The following OSMR variants were observed in gnomAD, a reference collection of about 807,000 sequenced individuals.
The protein encoded by OSMR is oncostatin-M-specific receptor subunit beta.
In OSMR, 81 loss-of-function variants were observed where a neutral mutation model predicts 99.9. The observed-to-expected ratio is 0.81, with a 90% CI of 0.68 to 0.97. OSMR has a LOEUF of 0.97. Among genes scored for constraint, OSMR ranks in the 50% least tolerant of loss-of-function variants. The pLI, the probability that OSMR is intolerant of heterozygous loss-of-function variation, is 0.00. For synonymous variants in OSMR, 406 were observed against 410.4 expected, an observed-to-expected ratio of 0.99 and a Z score of 0.13; for missense variants, 1,099 against 1,153.4, an observed-to-expected ratio of 0.95 and a Z score of 0.68.
At chr5:38,858,423 G>A (rs1443023750) in intron 1 of OSMR, among the ~76,000 whole-genome samples, 3 of 150,204 alleles carry the variant, frequency 2.0e-5, no homozygotes, top group Admixed American at 6.6e-5. Context: ...TTCTATCCAT[G>A]TTGCTGCAAA....
Position 38,933,068 on chromosome 5 carries a change from G to C in OSMR, c.2564G>C (p.Cys855Ser). Residue 855 changes from cysteine (C) to serine (S), a missense_variant, in exon 18 of 18, where the codon TGT becomes TCT. Transcript: ENST00000274276. ...KNHSGPGPCI[C>S]FENLTYNQAA... The stretch of plus-strand genomic sequence containing the variant: ...CACTCTGGCCCTGGCCCCTGCATCT[G>C]TTTTGAGAACTTGACCTATAACCAG... 2 of 1,614,188 alleles carry C rather than the reference G, an allele frequency of 1.2e-6. No individual in the cohort carries two copies. The highest frequency in any genetic ancestry group is 1.7e-6 in the Non-Finnish European group (2 of 1,180,038).
At chr5:38,914,126 TAAC>T (rs1745765415) in intron 9 of OSMR, among the ~76,000 whole-genome samples, 1 of 152,198 alleles carries the variant, frequency 6.6e-6, no homozygotes, top group African/African-American at 2.4e-5. Flanking sequence ...AGGGCTTTAA[TAAC>T]ACAGTACCAC....
chr5:38,926,497 G>A (rs536588407), intron 15 of OSMR, among the ~76,000 whole-genome samples: 2 of 152,186 alleles, frequency 1.3e-5, no homozygotes, highest in Non-Finnish European at 2.9e-5. Context: ...TTCTTAACAT[G>A]GCGGAAGGAG....
intron 7 of OSMR, among the ~76,000 whole-genome samples, chr5:38,898,401 G>A (rs1561380480): frequency 6.6e-6 from 1 of 152,058 alleles, no homozygotes; most frequent in Non-Finnish European, 1.5e-5. Context: ...ATTTTGTCTG[G>A]CATAAGTAAA....
intron 4 of OSMR, among the ~76,000 whole-genome samples, chr5:38,882,485 G>A (rs866252): frequency 0.62 from 93,947 of 151,378 alleles, 29,471 homozygotes; most frequent in South Asian, 0.69. Flanking sequence ...TGAGGCAGGA[G>A]AATCGCTTGA....
intron 1 of OSMR, among the ~76,000 whole-genome samples, chr5:38,854,447 C>T (rs1226787500): frequency 1.3e-5 from 2 of 152,120 alleles, no homozygotes; most frequent in African/African-American, 4.8e-5. Flanking sequence ...AGCATCTTTA[C>T]TGAGAATGAG....
chr5:38,868,465 C>T (rs748778475), intron 1 of OSMR, among the ~76,000 whole-genome samples: 8 of 152,134 alleles, frequency 5.3e-5, no homozygotes, highest in Non-Finnish European at 7.3e-5. Context: ...GTAATTAAAT[C>T]ATCAGGGCCG....
chr5:38,877,250 C>T (rs1742911376), intron 3 of OSMR, among the ~76,000 whole-genome samples: 2 of 152,146 alleles, frequency 1.3e-5, no homozygotes, highest in African/African-American at 4.8e-5. Context: ...CTGTCTTCAC[C>T]CAGGTAGTGG....
chr5:38,899,927 T>G (rs989220836), intron 7 of OSMR, among the ~76,000 whole-genome samples: 1 of 152,162 alleles, frequency 6.6e-6, no homozygotes, highest in South Asian at 2.1e-4. Context: ...AGTGTCTTAG[T>G]AGGTCATCTT....
At chr5:38,862,928 G>A (rs945299633) in intron 1 of OSMR, among the ~76,000 whole-genome samples, 9 of 152,052 alleles carry the variant, frequency 5.9e-5, no homozygotes, top group South Asian at 2.1e-4. Flanking sequence ...TCGGGAGGCC[G>A]AGGCTGGCGG....
intron 7 of OSMR, among the ~76,000 whole-genome samples, chr5:38,888,075 C>A (rs192369861): frequency 2.4e-4 from 36 of 152,052 alleles, no homozygotes; most frequent in African/African-American, 8.7e-4. Context: ...GCGAGACAGA[C>A]GGAGGAGGGA....
At chr5:38,868,271 G>A (rs1298429430) in intron 1 of OSMR, among the ~76,000 whole-genome samples, 2 of 152,168 alleles carry the variant, frequency 1.3e-5, no homozygotes, top group African/African-American at 4.8e-5. Context: ...GGGGTTGGCT[G>A]GCTGCTGGCT....
intron 15 of OSMR, among the ~76,000 whole-genome samples, chr5:38,930,923 TGTG>T (rs1746704879): frequency 7.9e-5 from 2 of 25,362 alleles, no homozygotes; most frequent in East Asian, 2.2e-3. Flanking sequence ...AAGCATTTTG[TGTG>T]TGTGTGTGTG....
intron 13 of OSMR, among the ~76,000 whole-genome samples, chr5:38,924,049 T>C (rs892996188): frequency 6.6e-6 from 1 of 152,238 alleles, no homozygotes; most frequent in Non-Finnish European, 1.5e-5. Flanking sequence ...CTCACTTTAG[T>C]AGGTTCTCTG....
At chr5:38,941,426 T>C in intron 1 of OSMR, 1 of 232,086 alleles carries the variant, frequency 4.3e-6, no homozygotes, top group Non-Finnish European at 8.5e-6. Flanking sequence ...TTTAATGCTT[T>C]CCTATCCTTT....
intron 15 of OSMR, among the ~76,000 whole-genome samples, chr5:38,931,120 C>T (rs1746725267): frequency 6.6e-6 from 1 of 152,092 alleles, no homozygotes; most frequent in African/African-American, 2.4e-5. Flanking sequence ...ATAAATGAAG[C>T]ACCAGTTGAC....
intron 7 of OSMR, among the ~76,000 whole-genome samples, chr5:38,902,304 T>A (rs1744946015): frequency 6.6e-6 from 1 of 152,230 alleles, no homozygotes; most frequent in African/African-American, 2.4e-5. Context: ...CCCCTTCAGA[T>A]GGAGGTGGCC....
At position 38,942,728 on chromosome 5, in the gene OSMR, T is replaced by C. The variant is rs142949865; in HGVS notation, c.75-1473T>C. On this transcript the variant is annotated intron_variant and NMD_transcript_variant, in intron 1 of 2. Coordinates refer to the OSMR transcript ENST00000508882. ...GCGCTGACCCCACAAAGTGCTGGGA[T>C]TGTAGGCATGAGTCACCACACCCAG... 282 of 894,686 alleles carry C rather than the reference T, an allele frequency of 3.2e-4. 1 individual carries two copies. In the African/African-American group the frequency reaches 4.4e-3, roughly 14 times the overall value. 55.4% of individuals were successfully genotyped at this position (894,686 alleles called of 1,614,324 possible).
chr5:38,852,402 A>G (rs920434348), intron 1 of OSMR, among the ~76,000 whole-genome samples: 2 of 152,196 alleles, frequency 1.3e-5, no homozygotes, highest in African/African-American at 4.8e-5. Context: ...GTAAGGTTGT[A>G]TGCTTTGATC....
Sources: allele counts gnomAD v4.1 joint callset (sites outside exome capture counted in the v4.1 genomes callset), GRCh38; gene constraint gnomAD v4.1.1; transcripts MANE v1.5; gene names NCBI Gene and HGNC (gene_info 2026-07-23, HGNC 2026-07-21).